Variants in PCDH9 observed in about 807,000 individuals in gnomAD.
PCDH9 encodes the protein protocadherin 9, also known as protocadherin-9.
A neutral mutation model predicts 70.6 loss-of-function variants in PCDH9; 24 were observed. The ratio of observed to expected loss-of-function variants is 0.34; its 90% CI spans 0.25 to 0.48. The LOEUF (loss-of-function observed/expected upper bound fraction) is 0.48. Ranked by LOEUF, PCDH9 falls within the 20% of genes least tolerant of loss-of-function variation. The pLI is 0.99. For synonymous variants in PCDH9, 562 were observed against 558.5 expected, an observed-to-expected ratio of 1.01 and a Z score of -0.09; for missense variants, 1,281 against 1,503.6, an observed-to-expected ratio of 0.85 and a Z score of 2.45.
chr13:66,713,625 G>GTGTGTGTGTGTATA (rs1379996611), intron 3 of PCDH9, among the ~76,000 whole-genome samples: 1 of 110,012 alleles, frequency 9.1e-6, no homozygotes, highest in Non-Finnish European at 1.8e-5. Flanking sequence ...GTGTGTGTGT[G>GTGTGTGTGTGTATA]TATATATATA....
At chr13:66,325,348 C>A (rs918635785) in intron 4 of PCDH9, among the ~76,000 whole-genome samples, 1 of 152,030 alleles carries the variant, frequency 6.6e-6, no homozygotes, top group Non-Finnish European at 1.5e-5. Flanking sequence ...TGCTTCCCAG[C>A]TCCATGAATT....
intron 3 of PCDH9, among the ~76,000 whole-genome samples, chr13:66,851,118 A>G (rs2081307820): frequency 6.6e-6 from 1 of 152,214 alleles, no homozygotes; most frequent in Non-Finnish European, 1.5e-5. Context: ...ATAAAGTATA[A>G]CAAAAGACAG....
intron 3 of PCDH9, among the ~76,000 whole-genome samples, chr13:66,765,084 C>CTT (rs34518101): frequency 6.1e-4 from 92 of 151,346 alleles, no homozygotes; most frequent in African/African-American, 2.2e-3. Flanking sequence ...CTGTCTGTCT[C>CTT]TCTCTCTCTC....
intron 4 of PCDH9, among the ~76,000 whole-genome samples, chr13:66,445,723 A>G (rs1317743489): frequency 6.9e-6 from 1 of 145,614 alleles, no homozygotes; most frequent in Non-Finnish European, 1.5e-5. Flanking sequence ...CATATATAAT[A>G]CATACACATA....
chr13:66,456,014 G>C (rs1255434607), intron 4 of PCDH9, among the ~76,000 whole-genome samples: 1 of 152,050 alleles, frequency 6.6e-6, no homozygotes, highest in Non-Finnish European at 1.5e-5. Flanking sequence ...TGATTTGAAG[G>C]TCCATTGATC....
intron 2 of PCDH9, chr13:66,978,406 T>A (rs1304985612): frequency 6.6e-6 from 1 of 152,006 alleles, no homozygotes; most frequent in African/African-American, 2.4e-5. Flanking sequence ...GCAATTGCAA[T>A]TTCTGCATGA....
intron 2 of PCDH9, among the ~76,000 whole-genome samples, chr13:67,145,942 T>C (rs957107614): frequency 2.0e-5 from 3 of 152,078 alleles, no homozygotes; most frequent in Admixed American, 2.0e-4. Flanking sequence ...AAGATGACAT[T>C]ATAGGGTCTT....
chr13:66,352,871 T>C (rs1956314350), intron 4 of PCDH9, among the ~76,000 whole-genome samples: 1 of 152,186 alleles, frequency 6.6e-6, no homozygotes, highest in South Asian at 2.1e-4. Context: ...CACGAACATC[T>C]GGCAACTTAC....
At chr13:67,064,519 A>C (rs1027695513) in intron 2 of PCDH9, among the ~76,000 whole-genome samples, 1 of 152,216 alleles carries the variant, frequency 6.6e-6, no homozygotes, top group African/African-American at 2.4e-5. Context: ...CAAATGCATT[A>C]AACTTCTCTG....
chr13:67,122,628 G>A (rs957536953), intron 2 of PCDH9, among the ~76,000 whole-genome samples: 1 of 151,846 alleles, frequency 6.6e-6, no homozygotes, highest in Non-Finnish European at 1.5e-5. Flanking sequence ...AAAAAAATTA[G>A]CTGGGTGTAG....
At chr13:66,902,799 G>GT (rs979997620) in intron 3 of PCDH9, among the ~76,000 whole-genome samples, 12 of 151,330 alleles carry the variant, frequency 7.9e-5, no homozygotes, top group Middle Eastern at 3.4e-3. Context: ...TATGTTATGT[G>GT]TTTTTTTACC....
intron 2 of PCDH9, among the ~76,000 whole-genome samples, chr13:66,931,560 T>G (rs533358050): frequency 6.6e-6 from 1 of 152,284 alleles, no homozygotes; most frequent in Admixed American, 6.5e-5. Flanking sequence ...TTAATGATAT[T>G]TGAGAATGGT....
At position 67,228,411 on chromosome 13, in the gene PCDH9, A is replaced by C. The variant is rs1426520041; in HGVS notation, c.30T>G (p.Ala10=). ...CCAGCCTTAAACAGGCAATCAGAGC[A>C]GCCAACAGGTAAAAATCCCTCAGGT... MDLRDFYLL[A]ALIACLRLDS... Residue 10 remains alanine (A), a synonymous_variant, in exon 2 of 5, where the codon GCT becomes GCG. Coordinates refer to ENST00000377865, the MANE Select transcript of PCDH9 (RefSeq NM_203487.3). 6.3e-7 allele frequency: 1 copy of C among 1,594,072 alleles called. No homozygotes were observed. The highest frequency in any genetic ancestry group is 1.1e-5 in the South Asian group (1 of 87,666).
intron 4 of PCDH9, among the ~76,000 whole-genome samples, chr13:66,426,117 C>A (rs2138362592): frequency 6.6e-6 from 1 of 151,444 alleles, no homozygotes; most frequent in South Asian, 2.1e-4. Flanking sequence ...ACCAAACATT[C>A]ATTACGGAAA....
chr13:66,367,214 TA>T (rs563637787), intron 4 of PCDH9, among the ~76,000 whole-genome samples: 137 of 152,296 alleles, frequency 9.0e-4, no homozygotes, highest in African/African-American at 3.1e-3. Flanking sequence ...AGCAACATTT[TA>T]TTTTTCTAAT....
chr13:67,100,817 G>A (rs1224588066), intron 2 of PCDH9, among the ~76,000 whole-genome samples: 1 of 152,100 alleles, frequency 6.6e-6, no homozygotes, highest in Admixed American at 6.5e-5. Flanking sequence ...AGTGGAGGTC[G>A]AACATCTGTA....
intron 4 of PCDH9, among the ~76,000 whole-genome samples, chr13:66,588,811 T>C (rs199582877): frequency 4.2e-5 from 4 of 95,816 alleles, no homozygotes; most frequent in Non-Finnish European, 7.0e-5. Flanking sequence ...TCTAATGCAG[T>C]GTGTTGAAGT....
intron 4 of PCDH9, among the ~76,000 whole-genome samples, chr13:66,545,643 T>A (rs1253165259): frequency 6.6e-6 from 1 of 152,118 alleles, no homozygotes; most frequent in African/African-American, 2.4e-5. Flanking sequence ...TGTAGTTCAA[T>A]GCCTTATTCA....
intron 3 of PCDH9, among the ~76,000 whole-genome samples, chr13:66,796,335 A>T (rs1015034076): frequency 4.6e-5 from 7 of 152,172 alleles, no homozygotes; most frequent in African/African-American, 1.7e-4. Context: ...TCTGTAAAAC[A>T]TGGAAGCCTA....
Sources: gnomAD v4.1 joint callset for allele counts (sites outside exome capture counted in the v4.1 genomes callset) on GRCh38, gnomAD v4.1.1 for gene constraint, MANE v1.5 for transcripts, NCBI Gene and HGNC (gene_info 2026-07-23, HGNC 2026-07-21) for gene names.